The following NUP155 variants were observed in gnomAD, a reference collection of about 807,000 sequenced individuals.
NUP155 encodes nuclear pore complex protein Nup155.
Under a neutral mutation model 180.4 loss-of-function variants are expected in NUP155, and 71 were observed. The observed-to-expected ratio is 0.39, with a 90% CI of 0.33 to 0.48. The LOEUF is 0.48. Among genes scored for constraint, NUP155 ranks in the 20% least tolerant of loss-of-function variants. NUP155 has a pLI of 0.91. For synonymous variants in NUP155, 582 were observed against 559.5 expected (o/e 1.04, Z -0.57); for missense variants, 1,553 against 1,648.9 (o/e 0.94, Z 1.01).
Position 37,302,926 on chromosome 5 carries a change from T to C in NUP155, c.3318-18A>G, listed in dbSNP as rs1742941938. 2 of 1,613,446 alleles carry C rather than the reference T, an allele frequency of 1.2e-6. No individual in the cohort carries two copies. Among genetic ancestry groups the C allele is most frequent in the Non-Finnish European group, 1.7e-6 (2 of 1,179,558 alleles). On this transcript the variant is annotated intron_variant, in intron 28 of 34. Coordinates refer to ENST00000231498, the MANE Select transcript of NUP155 (RefSeq NM_153485.3). ...TTTCTGTGCTAGAAGGGAAAACGCT[T>C]ATTTTTAGTTACACAATTTCTTAAG...
chr5:37,356,014 G>A (rs2111643545), intron 4 of NUP155, among the ~76,000 whole-genome samples: 1 of 151,988 alleles, frequency 6.6e-6, no homozygotes, highest in South Asian at 2.1e-4. Context: ...CGGATCACCT[G>A]AGGTCGGGAG....
At chr5:37,357,619 A>C (rs879771618) in intron 4 of NUP155, among the ~76,000 whole-genome samples, 13 of 152,366 alleles carry the variant, frequency 8.5e-5, no homozygotes, top group Middle Eastern at 3.4e-3. Flanking sequence ...TAAAGTAAAC[A>C]GTTAAACATT....
chr5:37,314,801 C>G (rs1743779256), intron 21 of NUP155, among the ~76,000 whole-genome samples: 1 of 151,374 alleles, frequency 6.6e-6, no homozygotes, highest in African/African-American at 2.4e-5. Context: ...AAGACTCCAT[C>G]TCCAAAAAAA....
At chr5:37,350,819 TA>T (rs57132136) in intron 6 of NUP155, among the ~76,000 whole-genome samples, 13,336 of 100,476 alleles carry the variant, frequency 0.13, 621 homozygotes, top group Admixed American at 0.18. Context: ...CCATCACATT[TA>T]AAAAAAAAAA....
Position 37,349,259 on chromosome 5 carries a change from A to C in NUP155, c.830-14T>G, listed in dbSNP as rs74712044. The C allele has an allele frequency of 3.9e-5, 10 of 256,778 alleles. No individual in the cohort carries two copies. Among genetic ancestry groups the C allele is most frequent in the South Asian group, 1.5e-4 (2 of 13,006 alleles). 15.9% of individuals were successfully genotyped at this position (256,778 alleles called of 1,614,324 possible). ...GAAGAATAGGATCTAAAAGTAAGAC[A>C]AAAAAAAAAAAGAGAAAAAAGTAAA... On this transcript the variant is annotated splice_polypyrimidine_tract_variant and intron_variant, in intron 7 of 34. Transcript: ENST00000231498.
chr5:37,345,658 A>G (rs1336485983), intron 9 of NUP155, among the ~76,000 whole-genome samples: 1 of 152,026 alleles, frequency 6.6e-6, no homozygotes, highest in African/African-American at 2.4e-5. Context: ...TAATCACAAC[A>G]CTTTGGGAGG....
chr5:37,300,014 T>C lies in NUP155; in HGVS notation c.3562-446A>G, dbSNP rs1389387495. Among the ~76,000 whole-genome samples the C allele has an allele frequency of 3.4e-5, 5 of 144,984 alleles. No individual in the cohort carries two copies. In the East Asian group the frequency reaches 9.9e-4, roughly 29 times the overall value. On this transcript the variant is annotated intron_variant, in intron 30 of 34. Transcript: ENST00000231498. ...AGCCTGGTGACAGAGAAAGACTCTG[T>C]CTCCCCCCGCCAAAAAAAAAAAAAA...
chr5:37,366,789 C>G (rs947317224), intron 1 of NUP155, among the ~76,000 whole-genome samples: 1 of 151,868 alleles, frequency 6.6e-6, no homozygotes, highest in Non-Finnish European at 1.5e-5. Context: ...GTAGCTGGGA[C>G]TACAGGCGCC....
chr5:37,339,902 A>G (rs1745597482), intron 11 of NUP155, among the ~76,000 whole-genome samples: 1 of 152,032 alleles, frequency 6.6e-6, no homozygotes, highest in South Asian at 2.1e-4. Flanking sequence ...AGCTGTGACT[A>G]CAGACATGCC....
At chr5:37,320,698 T>G (rs1203418041) in intron 20 of NUP155, among the ~76,000 whole-genome samples, 4 of 151,798 alleles carry the variant, frequency 2.6e-5, no homozygotes, top group Non-Finnish European at 5.9e-5. Flanking sequence ...ATTAGAAAAT[T>G]TACATATAAT....
chr5:37,362,132 C>T (rs1747261798), intron 3 of NUP155, among the ~76,000 whole-genome samples: 1 of 152,116 alleles, frequency 6.6e-6, no homozygotes, highest in Non-Finnish European at 1.5e-5. Context: ...GACTAAGACA[C>T]ACAGTAAGGT....
In NUP155 at chr5:37,314,286, T is replaced by G. The variant is rs749875719; in HGVS notation, c.2348A>C (p.Gln783Pro). The G allele has an allele frequency of 2.5e-6, 4 of 1,609,694 alleles. No individual in the cohort carries two copies. The highest frequency in any genetic ancestry group is 2.7e-5 in the African/African-American group (2 of 74,874). ...AGCCTGATATGATTTTCGAACCAACTGCTGAATTGCCTGAAGTGAAATCTT... is the reference window on the plus strand; with the variant it reads ...AGCCTGATATGATTTTCGAACCAACGGCTGAATTGCCTGAAGTGAAATCTT... ...SEKISLQAIQ[Q>P]LVRKSYQALA... The change falls in exon 22 of 35, where the codon CAG becomes CCG. Residue 783 changes from glutamine (Q) to proline (P), a missense_variant. By Grantham distance (76) the Gln-to-Pro change is moderately conservative (BLOSUM62 -1). Transcript: ENST00000231498.
At chr5:37,338,795 T>C (rs1432091969) in intron 11 of NUP155, among the ~76,000 whole-genome samples, 1 of 152,194 alleles carries the variant, frequency 6.6e-6, no homozygotes, top group Non-Finnish European at 1.5e-5. Context: ...TCCTTAAGTG[T>C]TCTCAATTTT....
chr5:37,313,202 G>A (rs1307344328), intron 22 of NUP155, among the ~76,000 whole-genome samples: 2 of 151,896 alleles, frequency 1.3e-5, no homozygotes, highest in African/African-American at 2.4e-5. Flanking sequence ...TGGCTGAGGC[G>A]GGTGGATTAC....
intron 21 of NUP155, among the ~76,000 whole-genome samples, chr5:37,314,580 G>A (rs1743761854): frequency 1.3e-5 from 2 of 152,318 alleles, no homozygotes; most frequent in South Asian, 2.1e-4. Context: ...GCTCACGCCT[G>A]TAATCCCAGC....
intron 19 of NUP155, among the ~76,000 whole-genome samples, chr5:37,324,735 T>C (rs908652834): frequency 6.6e-6 from 1 of 152,174 alleles, no homozygotes; most frequent in East Asian, 1.9e-4. Flanking sequence ...TTTTATTTTA[T>C]AGAAAAGGCA....
intron 14 of NUP155, among the ~76,000 whole-genome samples, chr5:37,330,535 T>C (rs1744889041): frequency 6.6e-6 from 1 of 152,186 alleles, no homozygotes; most frequent in Non-Finnish European, 1.5e-5. Context: ...ATAAGGAAAC[T>C]GAAGCCCAGA....
intron 30 of NUP155, among the ~76,000 whole-genome samples, chr5:37,299,777 G>T (rs1742767556): frequency 6.6e-6 from 1 of 152,052 alleles, no homozygotes; most frequent in Non-Finnish European, 1.5e-5. Flanking sequence ...ACTCAGGCCT[G>T]TAATCCCAGC....
chr5:37,351,453 T>A, intron 5 of NUP155, 97 bp from the exon 6 acceptor site: 5 of 385,834 alleles, frequency 1.3e-5, no homozygotes, highest in Non-Finnish European at 2.1e-5. Context: ...TACTCAATTC[T>A]TTTTTTTTTT....
Sources: gnomAD v4.1 joint callset for allele counts (sites outside exome capture counted in the v4.1 genomes callset) on GRCh38, gnomAD v4.1.1 for gene constraint, MANE v1.5 for transcripts, NCBI Gene and HGNC (gene_info 2026-07-23, HGNC 2026-07-21) for gene names.